THRB: variants seen among roughly 807,000 people sequenced by gnomAD.
THRB encodes the protein thyroid hormone receptor beta, also known as nuclear receptor subfamily 1 group A member 2.
A neutral mutation model predicts 47.8 loss-of-function variants in THRB; 12 were observed. That is an observed-to-expected ratio of 0.25 (90% CI 0.16 to 0.41). THRB has a LOEUF of 0.41. THRB is among the 10% of genes least tolerant of loss of function. THRB has a pLI of 1.00. For synonymous variants in THRB, 218 were observed against 212.2 expected (o/e 1.03, Z -0.24); for missense variants, 348 against 589.2 (o/e 0.59, Z 4.24).
intron 4 of THRB, among the ~76,000 whole-genome samples, chr3:24,228,483 C>T (rs1031519744): frequency 6.6e-6 from 1 of 151,654 alleles, no homozygotes; most frequent in African/African-American, 2.4e-5. Flanking sequence ...AAGAAGTAAA[C>T]ATACACCGGG....
intron 2 of THRB, among the ~76,000 whole-genome samples, chr3:24,332,234 G>C (rs78937204): frequency 0.025 from 3,730 of 152,232 alleles, 50 homozygotes; most frequent in Middle Eastern, 0.041. Context: ...ATACATGAAG[G>C]CTAGCACCCC....
At chr3:24,436,668 T>C (rs1288872748) in intron 1 of THRB, among the ~76,000 whole-genome samples, 3 of 152,136 alleles carry the variant, frequency 2.0e-5, no homozygotes, top group Non-Finnish European at 2.9e-5. Context: ...TGAACATAGA[T>C]TCTGAGGAAT....
intron 3 of THRB, among the ~76,000 whole-genome samples, chr3:24,293,355 G>T (rs543703245): frequency 8.5e-5 from 13 of 152,278 alleles, no homozygotes; most frequent in African/African-American, 2.9e-4. Flanking sequence ...AAATCATAGA[G>T]AAAGGAATGA....
At chr3:24,432,982 T>C (rs2070596974) in intron 1 of THRB, among the ~76,000 whole-genome samples, 1 of 152,120 alleles carries the variant, frequency 6.6e-6, no homozygotes, top group Non-Finnish European at 1.5e-5. Flanking sequence ...ATTTTTGGTC[T>C]AAAAATATCT....
At chr3:24,175,115 AC>A (rs1490097725) in intron 5 of THRB, among the ~76,000 whole-genome samples, 1 of 152,202 alleles carries the variant, frequency 6.6e-6, no homozygotes, top group Non-Finnish European at 1.5e-5. Flanking sequence ...AAATTACTAA[AC>A]AATCTTTGCT....
intron 2 of THRB, among the ~76,000 whole-genome samples, chr3:24,333,526 C>A (rs2062054247): frequency 6.6e-6 from 1 of 152,172 alleles, no homozygotes; most frequent in African/African-American, 2.4e-5. Flanking sequence ...CAAACTCTTA[C>A]ATTGTGTAAT....
At chr3:24,135,820 C>T (rs948051910) in intron 8 of THRB, among the ~76,000 whole-genome samples, 1 of 98,488 alleles carries the variant, frequency 1.0e-5, no homozygotes, top group Non-Finnish European at 1.9e-5. Flanking sequence ...GGCAGAGAGT[C>T]ATATATATAT....
chr3:24,416,950 G>T (rs2068786111), intron 1 of THRB, among the ~76,000 whole-genome samples: 1 of 151,818 alleles, frequency 6.6e-6, no homozygotes, highest in Admixed American at 6.6e-5. Context: ...GACTCAATTT[G>T]TCCAATAATT....
intron 1 of THRB, among the ~76,000 whole-genome samples, chr3:24,377,033 A>G (rs1341029264): frequency 6.6e-6 from 1 of 151,886 alleles, no homozygotes; most frequent in Non-Finnish European, 1.5e-5. Context: ...GGCCTCCTAG[A>G]CTCAAGCAAT....
intron 2 of THRB, among the ~76,000 whole-genome samples, chr3:24,301,309 T>C (rs1269053736): frequency 4.6e-5 from 7 of 152,232 alleles, no homozygotes; most frequent in African/African-American, 1.7e-4. Context: ...ATTGTTACCA[T>C]AAACTTTTGT....
intron 4 of THRB, among the ~76,000 whole-genome samples, chr3:24,203,536 A>G (rs567771201): frequency 6.6e-6 from 1 of 152,340 alleles, no homozygotes; most frequent in South Asian, 2.1e-4. Flanking sequence ...CGGTTCTCAG[A>G]TGGCTGAATA....
chr3:24,232,543 C>G (rs2048358938), intron 3 of THRB, among the ~76,000 whole-genome samples: 1 of 152,112 alleles, frequency 6.6e-6, no homozygotes, highest in Non-Finnish European at 1.5e-5. Flanking sequence ...TGATTTAACC[C>G]TTTGTTCTCA....
rs938145196 is a variant in THRB at position 24,190,014 on chromosome 3, AC to A, written c.283+59del. 8 of 1,523,896 alleles carry A rather than the reference AC, an allele frequency of 5.2e-6. No homozygotes were observed. The African/African-American group carries it at 8.2e-5, about 16-fold the overall frequency. 94.4% of individuals were successfully genotyped at this position (1,523,896 alleles called of 1,614,324 possible). On this transcript the variant is annotated intron_variant, in intron 5 of 10. Transcript: ENST00000646209. ...AATGTAGATGAAGTACACAGCTACA[AC>A]AGGGATATTTTTTTTCTTGTTGAAA...
At chr3:24,123,523 C>A (rs928515230) in intron 10 of THRB, among the ~76,000 whole-genome samples, 1 of 152,066 alleles carries the variant, frequency 6.6e-6, no homozygotes, top group African/African-American at 2.4e-5. Context: ...CGTGGACATG[C>A]ATAGAAGGGG....
At chr3:24,491,961 A>G (rs1286686332) in intron 1 of THRB, among the ~76,000 whole-genome samples, 1 of 152,228 alleles carries the variant, frequency 6.6e-6, no homozygotes, top group African/African-American at 2.4e-5. Flanking sequence ...TTGTCACTAC[A>G]CAGAATGGAA....
chr3:24,245,899 C>T (rs891237222), intron 3 of THRB, among the ~76,000 whole-genome samples: 6 of 151,386 alleles, frequency 4.0e-5, no homozygotes, highest in East Asian at 1.9e-4. Flanking sequence ...GGCAACAGAG[C>T]GAGACTCTGT....
intron 2 of THRB, among the ~76,000 whole-genome samples, chr3:24,301,790 A>G (rs2056961719): frequency 6.6e-6 from 1 of 152,230 alleles, no homozygotes; most frequent in Non-Finnish European, 1.5e-5. Flanking sequence ...ACAGATTTTG[A>G]GATGGGGATA....
intron 1 of THRB, among the ~76,000 whole-genome samples, chr3:24,395,621 G>A (rs1326203960): frequency 6.6e-6 from 1 of 152,002 alleles, no homozygotes; most frequent in Non-Finnish European, 1.5e-5. Flanking sequence ...AACAAGTGTT[G>A]GCAAGGATGT....
intron 4 of THRB, among the ~76,000 whole-genome samples, chr3:24,196,530 C>A (rs1216542615): frequency 6.6e-6 from 1 of 152,160 alleles, no homozygotes; most frequent in Non-Finnish European, 1.5e-5. Flanking sequence ...CATGACCTCT[C>A]TTCCCTTGCC....
Sources: allele counts gnomAD v4.1 joint callset (sites outside exome capture counted in the v4.1 genomes callset), GRCh38; gene constraint gnomAD v4.1.1; transcripts MANE v1.5; gene names NCBI Gene and HGNC (gene_info 2026-07-23, HGNC 2026-07-21).